The following RUNX1 variants were observed in gnomAD, a reference collection of about 807,000 sequenced individuals.
The protein encoded by RUNX1 is RUNX family transcription factor 1, also known as runt-related transcription factor 1.
Under a neutral mutation model 42.8 loss-of-function variants are expected in RUNX1, and 19 were observed. The observed-to-expected ratio is 0.44, with a 90% CI of 0.31 to 0.65. The LOEUF (loss-of-function observed/expected upper bound fraction) is 0.65. Ranked by LOEUF, RUNX1 falls within the 30% of genes least tolerant of loss-of-function variation. RUNX1 has a pLI of 0.07. For synonymous variants in RUNX1, 271 were observed against 289.4 expected (o/e 0.94, Z 0.64); for missense variants, 528 against 672.0 (o/e 0.79, Z 2.37).
chr21:34,832,720 G>A (rs963214943), intron 7 of RUNX1, among the ~76,000 whole-genome samples: 1 of 151,968 alleles, frequency 6.6e-6, no homozygotes. Context: ...CATACCATTT[G>A]ACTTAATTTA....
intron 2 of RUNX1, among the ~76,000 whole-genome samples, chr21:34,996,145 C>T (rs2058993523): frequency 6.6e-6 from 1 of 152,134 alleles, no homozygotes; most frequent in Admixed American, 6.5e-5. Flanking sequence ...TGACTTGGAC[C>T]TTCCATCTCA....
chr21:34,887,209 T>C (rs2058008490), intron 3 of RUNX1, 113 bp from the exon 4 acceptor site: 14 of 1,253,408 alleles, frequency 1.1e-5, no homozygotes, highest in Non-Finnish European at 1.4e-5. Context: ...GAGACCAACA[T>C]ACACGTTCAG....
intron 2 of RUNX1, among the ~76,000 whole-genome samples, chr21:34,962,342 A>G (rs2058687461): frequency 6.6e-6 from 1 of 152,354 alleles, no homozygotes; most frequent in African/African-American, 2.4e-5. Flanking sequence ...AGAACTCCAC[A>G]ACTAAGAGTT....
intron 7 of RUNX1, among the ~76,000 whole-genome samples, chr21:34,808,098 C>T (rs1396230470): frequency 2.6e-5 from 4 of 152,208 alleles, no homozygotes; most frequent in Non-Finnish European, 4.4e-5. Context: ...CCCATGATAA[C>T]ATGAGTCAGT....
rs3833348 is a variant in RUNX1 at position 34,887,242 on chromosome 21, T to TGGGGGGG, written c.98-153_98-147dup. ...CAGGGGCCTTTATTACTGCGGGGGG[T>TGGGGGGG]GGGGGGGGGCGGGGGTGGTTAGGGG... is the stretch of plus-strand genomic sequence containing the variant. On this transcript the variant is annotated intron_variant, in intron 3 of 8. Coordinates refer to ENST00000675419, the MANE Select transcript of RUNX1 (RefSeq NM_001754.5). 1.6e-4 allele frequency: 48 copies of TGGGGGGG among 299,302 alleles called. 6 individuals carry two copies. Among genetic ancestry groups the TGGGGGGG allele is most frequent in the Admixed American group, 1.4e-3 (6 of 4,416 alleles). The allele number at this position is 299,302 out of a possible 1,614,324, so 18.5% of individuals were successfully genotyped here. A position where few individuals can be genotyped will look rare whatever the true frequency, so the allele number is the denominator to read the frequency against.
intron 2 of RUNX1, among the ~76,000 whole-genome samples, chr21:34,896,092 T>C (rs1038767740): frequency 2.0e-5 from 3 of 152,078 alleles, no homozygotes; most frequent in African/African-American, 4.8e-5. Context: ...GACATCGTGA[T>C]GTCTCTCTGA....
chr21:34,931,362 A>G (rs1284784146), intron 2 of RUNX1, among the ~76,000 whole-genome samples: 1 of 146,850 alleles, frequency 6.8e-6, no homozygotes, highest in Non-Finnish European at 1.5e-5. Flanking sequence ...ATGTGTATAT[A>G]TATGTGTATA....
rs1476698771 is a variant in RUNX1, at chr21:34,858,974, G to A, written c.613+500C>T. On this transcript the variant is annotated intron_variant, in intron 6 of 8. Transcript: ENST00000675419. The stretch of plus-strand genomic sequence containing the variant: ...CCCACTCTCTATCTTAAAAATGCCT[G>A]TAATAAGATTTTGATCTGTGCCATA... Among the ~76,000 whole-genome samples the A allele has an allele frequency of 2.6e-5, 4 of 152,110 alleles. No individual in the cohort carries two copies. In the East Asian group the frequency reaches 7.7e-4, roughly 29 times the overall value.
At chr21:34,854,420 G>GA (rs1051892383) in intron 6 of RUNX1, among the ~76,000 whole-genome samples, 30 of 151,670 alleles carry the variant, frequency 2.0e-4, no homozygotes, top group African/African-American at 4.3e-4. Context: ...CCATCTCTAT[G>GA]AAAAAAATTA....
intron 3 of RUNX1, among the ~76,000 whole-genome samples, chr21:34,891,380 T>C (rs2058079328): frequency 1.3e-5 from 2 of 152,210 alleles, no homozygotes; most frequent in African/African-American, 4.8e-5. Context: ...GGCTGTTAAC[T>C]GCGCAGCGCG....
rs1431880433 is a variant in RUNX1 at position 34,859,391 on chromosome 21, A to G, written c.613+83T>C. The G allele has an allele frequency of 5.4e-6, 6 of 1,117,156 alleles. No individual in the cohort carries two copies. In the East Asian group the frequency reaches 1.4e-4, roughly 26 times the overall value. 69.2% of individuals were successfully genotyped at this position (1,117,156 alleles called of 1,614,324 possible). A position where few individuals can be genotyped will look rare whatever the true frequency, so the allele number is the denominator to read the frequency against. Reference sequence around the variant, plus strand: ...CTGGGGGAAAGGTTGAACCCAAGGAATCTGAGACATGGTCCCTGAGTATAC... The same window carrying G: ...CTGGGGGAAAGGTTGAACCCAAGGAGTCTGAGACATGGTCCCTGAGTATAC... On this transcript the variant is annotated intron_variant, in intron 6 of 8. Transcript: ENST00000675419.
At chr21:34,829,593 T>C (rs932090985) in intron 7 of RUNX1, among the ~76,000 whole-genome samples, 2 of 152,260 alleles carry the variant, frequency 1.3e-5, no homozygotes, top group African/African-American at 4.8e-5. Context: ...AATGAAATCA[T>C]TCACCTGTCA....
At chr21:34,837,495 C>CA (rs2057164842) in intron 6 of RUNX1, among the ~76,000 whole-genome samples, 1 of 152,168 alleles carries the variant, frequency 6.6e-6, no homozygotes, top group African/African-American at 2.4e-5. Flanking sequence ...CAATATTTTG[C>CA]ATGAAATATA....
chr21:34,845,751 CTTCA>C (rs2057306038), intron 6 of RUNX1, among the ~76,000 whole-genome samples: 1 of 151,932 alleles, frequency 6.6e-6, no homozygotes, highest in Non-Finnish European at 1.5e-5. Context: ...CTTCTGCTTC[CTTCA>C]TTTTCTCAGC....
In RUNX1 at chr21:34,942,706, G is replaced by A. The variant is rs115034862; in HGVS notation, c.59-49743C>T. Reference sequence around the variant, plus strand: ...GCAGGGCTAATGTACCCTTTCCATGGTTGAGATGACACCAGATGCCCCTCT... The same window carrying A: ...GCAGGGCTAATGTACCCTTTCCATGATTGAGATGACACCAGATGCCCCTCT... On this transcript the variant is annotated intron_variant, in intron 2 of 8. Transcript: ENST00000675419. 6.6e-3 allele frequency among the ~76,000 whole-genome samples: 1,000 copies of A among 152,260 alleles called. 5 individuals are homozygous for A. The highest frequency in any genetic ancestry group is 0.023 in the African/African-American group (964 of 41,550).
chr21:34,831,440 TA>T (rs1426984934), intron 7 of RUNX1, among the ~76,000 whole-genome samples: 3 of 152,242 alleles, frequency 2.0e-5, no homozygotes, highest in Non-Finnish European at 4.4e-5. Context: ...GTATTGGTGC[TA>T]TTCTATATCA....
At chr21:34,893,197 C>A (rs1452319331) in intron 2 of RUNX1, among the ~76,000 whole-genome samples, 1 of 152,134 alleles carries the variant, frequency 6.6e-6, no homozygotes, top group Non-Finnish European at 1.5e-5. Flanking sequence ...CTAGCTAATA[C>A]TGAATATCTG....
Position 34,818,784 on chromosome 21 carries a change from T to C in RUNX1, c.805+15626A>G, listed in dbSNP as rs147543493. 2.6e-5 allele frequency among the ~76,000 whole-genome samples: 4 copies of C among 152,314 alleles called. No homozygotes were observed. The East Asian group carries it at 7.7e-4, about 29-fold the overall frequency. Reference sequence around the variant, plus strand: ...TGTCTGCAGATCATACCCTGCCTGTTTGGGTTATTTGAGACTCTTTTTCTG... The same window carrying C: ...TGTCTGCAGATCATACCCTGCCTGTCTGGGTTATTTGAGACTCTTTTTCTG... On this transcript the variant is annotated intron_variant, in intron 7 of 8. Coordinates refer to ENST00000675419, the MANE Select transcript of RUNX1 (RefSeq NM_001754.5).
intron 6 of RUNX1, among the ~76,000 whole-genome samples, chr21:34,851,294 G>A (rs918933907): frequency 6.6e-6 from 1 of 152,232 alleles, no homozygotes; most frequent in Admixed American, 6.5e-5. Context: ...GCCCAGGGAA[G>A]GCCTGGAGGC....
Sources: gnomAD v4.1 joint callset for allele counts (sites outside exome capture counted in the v4.1 genomes callset) on GRCh38, gnomAD v4.1.1 for gene constraint, MANE v1.5 for transcripts, NCBI Gene and HGNC (gene_info 2026-07-23, HGNC 2026-07-21) for gene names.